Variants in ABCA1 observed in about 807,000 individuals in gnomAD.
The protein encoded by ABCA1 is ATP binding cassette subfamily A member 1.
ABCA1 carries 133 observed loss-of-function variants against 262.5 expected under a neutral mutation model. That is an observed-to-expected ratio of 0.51 (90% CI 0.44 to 0.59). The LOEUF is 0.59. Ranked by LOEUF, ABCA1 falls within the 20% of genes least tolerant of loss-of-function variation. The probability of loss-of-function intolerance (pLI) is 0.00; values close to 1 mark genes in which losing one functional copy is unlikely to be tolerated. For synonymous variants in ABCA1, 1,022 were observed against 1,043.5 expected, an observed-to-expected ratio of 0.98 and a Z score of 0.40; for missense variants, 2,452 against 2,777.5, an observed-to-expected ratio of 0.88 and a Z score of 2.63.
intron 9 of ABCA1, among the ~76,000 whole-genome samples, chr9:104,838,302 T>A (rs1588361270): frequency 9.5e-6 from 1 of 105,652 alleles, no homozygotes; most frequent in East Asian, 3.5e-4. Flanking sequence ...AAACTCTGTC[T>A]CCCAAAAAAA....
intron 7 of ABCA1, among the ~76,000 whole-genome samples, chr9:104,849,924 C>T (rs2119067763): frequency 6.6e-6 from 1 of 152,212 alleles, no homozygotes; most frequent in South Asian, 2.1e-4. Flanking sequence ...AGGCCAGTAC[C>T]AAATATTGTT....
At chr9:104,823,304 T>C (rs907407545) in intron 18 of ABCA1, among the ~76,000 whole-genome samples, 1 of 152,022 alleles carries the variant, frequency 6.6e-6, no homozygotes, top group Non-Finnish European at 1.5e-5. Flanking sequence ...CATGATAAAA[T>C]TGCATAGAAC....
chr9:104,911,894 C>G (rs1233220966), intron 1 of ABCA1, among the ~76,000 whole-genome samples: 9 of 152,180 alleles, frequency 5.9e-5, no homozygotes, highest in Non-Finnish European at 1.3e-4. Context: ...CAGAGGAATT[C>G]TATCATTCTA....
At chr9:104,795,827 TA>T (rs895976490) in intron 39 of ABCA1, among the ~76,000 whole-genome samples, 1 of 151,074 alleles carries the variant, frequency 6.6e-6, no homozygotes, top group Non-Finnish European at 1.5e-5. Context: ...AAGAAAGAAG[TA>T]AAAAAAACTG....
chr9:104,851,032 T>C (rs1835331289), intron 7 of ABCA1, among the ~76,000 whole-genome samples: 1 of 152,228 alleles, frequency 6.6e-6, no homozygotes. Context: ...CTTACTGTTA[T>C]TATTCAAAAG....
chr9:104,825,929 G>C, intron 16 of ABCA1, 42 bp from the exon 17 acceptor site: 2 of 1,602,316 alleles, frequency 1.2e-6, no homozygotes, highest in Non-Finnish European at 1.7e-6. Flanking sequence ...TTCCTGGTCA[G>C]TCTCATTTTT....
chr9:104,793,266 G>A lies in ABCA1; in HGVS notation c.5541C>T (p.Asp1847=). The A allele has an allele frequency of 1.2e-6, 2 of 1,614,074 alleles. No homozygotes were observed. Among genetic ancestry groups the A allele is most frequent in the South Asian group, 1.1e-5 (1 of 91,070 alleles). Residue 1847 remains aspartate (D), a synonymous_variant, in exon 41 of 50, where the codon GAC becomes GAT. Transcript: ENST00000374736. The part of the protein sequence containing the change: ...ENRFVSPLSW[D]LVGRNLFAMA... ...TGGCGAAGAGGTTTCGTCCCACCAA[G>A]TCCCAAGATAATGGTGACACAAAGC...
Position 104,822,530 on chromosome 9 carries a change from G to A in ABCA1, c.2794C>T (p.Leu932=), listed in dbSNP as rs1388601862. The A allele has an allele frequency of 6.2e-7, 1 of 1,613,806 alleles. No homozygotes were observed. The highest frequency in any genetic ancestry group is 8.5e-7 in the Non-Finnish European group (1 of 1,180,002). ...GTCTTCCCCGCTCCATTGTGGCCCAGGAAGGAGGTGATCTGGCCCTCATAA... is the reference window on the plus strand; with the variant it reads ...GTCTTCCCCGCTCCATTGTGGCCCAAGAAGGAGGTGATCTGGCCCTCATAA... ...NFYEGQITSF[L]GHNGAGKTTT... The change falls in exon 19 of 50, where the codon CTG becomes TTG. Residue 932 remains leucine (L), a synonymous_variant. Coordinates refer to ENST00000374736, the MANE Select transcript of ABCA1 (RefSeq NM_005502.4).
chr9:104,908,368 T>C (rs1841297077), intron 1 of ABCA1, among the ~76,000 whole-genome samples: 1 of 152,074 alleles, frequency 6.6e-6, no homozygotes, highest in Admixed American at 6.6e-5. Flanking sequence ...CATCAACTGG[T>C]GAATAAATAA....
Position 104,889,186 on chromosome 9 carries a change from G to A in ABCA1, c.76C>T (p.Leu26=), listed in dbSNP as rs781468182. 9 of 1,613,998 alleles carry A rather than the reference G, an allele frequency of 5.6e-6. No individual in the cohort carries two copies. The South Asian group carries it at 8.8e-5, about 16-fold the overall frequency. ...TFRRRQTCQL[L]LEVAWPLFIF... The stretch of plus-strand genomic sequence containing the variant: ...AATAGAGGCCAGGCCACTTCCAGCA[G>A]CAGCTGACACTGAGTGGGAAATAAG... The change falls in exon 3 of 50, where the codon CTG becomes TTG. Residue 26 remains leucine (L), a synonymous_variant. Coordinates refer to ENST00000374736, the MANE Select transcript of ABCA1 (RefSeq NM_005502.4).
At chr9:104,848,886 G>A (rs995055600) in intron 7 of ABCA1, among the ~76,000 whole-genome samples, 3 of 152,080 alleles carry the variant, frequency 2.0e-5, no homozygotes, top group African/African-American at 7.2e-5. Flanking sequence ...GACCCAAGAT[G>A]GTGCCAAACA....
intron 44 of ABCA1, 24 bp from the exon 45 acceptor site, chr9:104,788,591 T>TA: frequency 1.2e-6 from 2 of 1,613,844 alleles, no homozygotes; most frequent in South Asian, 1.1e-5. Flanking sequence ...GAAAACTACT[T>TA]AGATTTTAAG....
intron 7 of ABCA1, among the ~76,000 whole-genome samples, chr9:104,849,159 T>C (rs1835157731): frequency 6.6e-6 from 1 of 152,202 alleles, no homozygotes. Context: ...AAGCTTATTC[T>C]CCTTCTCTTA....
chr9:104,907,620 AGCTCTGT>A (rs967285150), intron 1 of ABCA1, among the ~76,000 whole-genome samples: 1 of 152,166 alleles, frequency 6.6e-6, no homozygotes, highest in African/African-American at 2.4e-5. Flanking sequence ...CCAAAGAGGG[AGCTCTGT>A]GTTCAGCAGC....
In ABCA1 at chr9:104,840,486, G is replaced by T. The variant is rs1179643787; in HGVS notation, c.847C>A (p.Gln283Lys). The change falls in exon 9 of 50, where the codon CAG (glutamine) becomes AAG (lysine). Residue 283 changes from glutamine (Q) to lysine (K), a missense_variant. Physicochemically the swap from Gln to Lys is moderately conservative, Grantham distance 53 (BLOSUM62 1). Coordinates refer to ENST00000374736, the MANE Select transcript of ABCA1 (RefSeq NM_005502.4). Reference sequence around the variant, plus strand: ...ACATTGGTCAGAAACATCACCTCCTGTCGCATGTCACTCCAGCTTCTCATG... The same window carrying T: ...ACATTGGTCAGAAACATCACCTCCTTTCGCATGTCACTCCAGCTTCTCATG... Reference protein sequence around the residue: ...FSMRSWSDMRQEVMFLTNVNS... With the variant: ...FSMRSWSDMRKEVMFLTNVNS... 8 of 1,614,052 alleles carry T rather than the reference G, an allele frequency of 5.0e-6. No individual in the cohort carries two copies. The highest frequency in any genetic ancestry group is 6.8e-6 in the Non-Finnish European group (8 of 1,179,952).
Position 104,837,292 on chromosome 9 carries a change from A to G in ABCA1, c.1194+136T>C, listed in dbSNP as rs753615071. 712 of 1,284,286 alleles carry G rather than the reference A, an allele frequency of 5.5e-4. 2 individuals carry two copies. The highest frequency in any genetic ancestry group is 6.7e-4 in the Non-Finnish European group (613 of 920,968). The allele number at this position is 1,284,286 out of a possible 1,614,324, so 79.6% of individuals were successfully genotyped here. A position where few individuals can be genotyped will look rare whatever the true frequency, so the allele number is the denominator to read the frequency against. ...CTGGCCCAGCTCTGGTCTGCATCAG[A>G]CTTGAGGTTTTCACTCTGGGAATTC... On this transcript the variant is annotated intron_variant, in intron 10 of 49. Coordinates refer to ENST00000374736, the MANE Select transcript of ABCA1 (RefSeq NM_005502.4).
intron 7 of ABCA1, among the ~76,000 whole-genome samples, chr9:104,854,958 A>G (rs1473666298): frequency 1.3e-5 from 2 of 152,244 alleles, no homozygotes; most frequent in Admixed American, 1.3e-4. Flanking sequence ...TTTTTAAGTA[A>G]AAAGCAGAGA....
intron 32 of ABCA1, among the ~76,000 whole-genome samples, chr9:104,803,768 C>T (rs12351534): frequency 0.021 from 3,182 of 152,130 alleles, 40 homozygotes; most frequent in African/African-American, 0.035. Flanking sequence ...CCACCACGCC[C>T]AGCTTATTTT....
At chr9:104,850,023 C>CA (rs1835236334) in intron 7 of ABCA1, among the ~76,000 whole-genome samples, 1 of 152,220 alleles carries the variant, frequency 6.6e-6, no homozygotes, top group African/African-American at 2.4e-5. Context: ...GCTAGGGAAA[C>CA]AGAGGTGGCA....
Sources: gnomAD v4.1 joint callset for allele counts (sites outside exome capture counted in the v4.1 genomes callset) on GRCh38, gnomAD v4.1.1 for gene constraint, MANE v1.5 for transcripts, NCBI Gene and HGNC (gene_info 2026-07-23, HGNC 2026-07-21) for gene names.